CAMK2D: variants seen among roughly 807,000 people sequenced by gnomAD.
CAMK2D encodes the protein calcium/calmodulin dependent protein kinase II delta, also known as calcium/calmodulin-dependent protein kinase type II subunit delta.
Under a neutral mutation model 84.0 loss-of-function variants are expected in CAMK2D, and 37 were observed. The observed-to-expected ratio is 0.44, with a 90% CI of 0.34 to 0.58. The LOEUF is 0.58. Among genes scored for constraint, CAMK2D ranks in the 20% least tolerant of loss-of-function variants. The pLI is 0.02. For synonymous variants in CAMK2D, 202 were observed against 212.5 expected, an observed-to-expected ratio of 0.95 and a Z score of 0.43; for missense variants, 448 against 652.5, an observed-to-expected ratio of 0.69 and a Z score of 3.41.
intron 3 of CAMK2D, among the ~76,000 whole-genome samples, chr4:113,625,640 G>T (rs1592134619): frequency 6.6e-6 from 1 of 152,130 alleles, no homozygotes; most frequent in African/African-American, 2.4e-5. Flanking sequence ...GGAGAAGGCA[G>T]TAGAAGATGA....
At chr4:113,580,281 C>T (rs963018026) in intron 4 of CAMK2D, among the ~76,000 whole-genome samples, 14 of 152,230 alleles carry the variant, frequency 9.2e-5, no homozygotes, top group African/African-American at 3.1e-4. Context: ...TGTTATGCCA[C>T]AGTTGCTGAG....
At chr4:113,647,907 T>C (rs968155117) in intron 3 of CAMK2D, among the ~76,000 whole-genome samples, 2 of 152,224 alleles carry the variant, frequency 1.3e-5, no homozygotes, top group South Asian at 2.1e-4. Context: ...TTGAAAACCA[T>C]GTTTTATCAG....
intron 6 of CAMK2D, among the ~76,000 whole-genome samples, chr4:113,543,181 G>A (rs548958740): frequency 1.2e-4 from 18 of 152,238 alleles, no homozygotes; most frequent in African/African-American, 4.3e-4. Context: ...CTAAGTCATA[G>A]AAATTGTATT....
At chr4:113,641,434 G>A (rs958548376) in intron 3 of CAMK2D, among the ~76,000 whole-genome samples, 3 of 152,184 alleles carry the variant, frequency 2.0e-5, no homozygotes, top group African/African-American at 7.2e-5. Flanking sequence ...GAGTAGTTGA[G>A]AAAATTAAAT....
chr4:113,519,982 A>G (rs2098335344), intron 8 of CAMK2D, among the ~76,000 whole-genome samples: 1 of 152,144 alleles, frequency 6.6e-6, no homozygotes, highest in African/African-American at 2.4e-5. Flanking sequence ...AAAATTTAAA[A>G]CTTTGTGTTG....
chr4:113,518,736 G>A (rs1560664085), intron 8 of CAMK2D, among the ~76,000 whole-genome samples: 1 of 152,046 alleles, frequency 6.6e-6, no homozygotes. Flanking sequence ...CTTATCCAAG[G>A]TGGTCTCTTG....
chr4:113,526,414 A>ATATGTGTGTGTG (rs1553930374), intron 8 of CAMK2D, among the ~76,000 whole-genome samples: 1,757 of 149,662 alleles, frequency 0.012, 50 homozygotes, highest in African/African-American at 0.041. Flanking sequence ...GTCATTCTTG[A>ATATGTGTGTGTG]TGTGTGTGTG....
chr4:113,526,425 T>TGC, intron 8 of CAMK2D, among the ~76,000 whole-genome samples: 1 of 151,874 alleles, frequency 6.6e-6, no homozygotes. Context: ...TGTGTGTGTG[T>TGC]GTGTGTGTGT....
intron 18 of CAMK2D, 56 bp downstream of exon 18, chr4:113,460,091 G>T: frequency 9.9e-7 from 1 of 1,006,158 alleles, no homozygotes; most frequent in Non-Finnish European, 1.6e-6. Context: ...CTGCAAATTT[G>T]GGAAAATTCA....
At chr4:113,545,392 A>T (rs114696611) in intron 6 of CAMK2D, among the ~76,000 whole-genome samples, 1,558 of 152,340 alleles carry the variant, frequency 0.01, 25 homozygotes, top group African/African-American at 0.035. Context: ...ATCGCACATC[A>T]ATTAACATAT....
chr4:113,738,523 T>A (rs981453838), intron 2 of CAMK2D, among the ~76,000 whole-genome samples: 2 of 152,042 alleles, frequency 1.3e-5, no homozygotes, highest in African/African-American at 2.4e-5. Context: ...AATGAGTGAA[T>A]GCAAAAAAAT....
chr4:113,510,176 T>C (rs924873837), intron 12 of CAMK2D, among the ~76,000 whole-genome samples: 4 of 152,218 alleles, frequency 2.6e-5, no homozygotes, highest in Admixed American at 2.0e-4. Context: ...CATTACATTC[T>C]TGAAGTCAGA....
intron 4 of CAMK2D, among the ~76,000 whole-genome samples, chr4:113,555,176 A>C (rs537564071): frequency 5.9e-5 from 9 of 152,360 alleles, no homozygotes; most frequent in African/African-American, 2.2e-4. Flanking sequence ...CATCAGTAAT[A>C]GATCTTTGAC....
At chr4:113,462,804 ATAAC>A (rs1564407890) in intron 17 of CAMK2D, among the ~76,000 whole-genome samples, 2 of 151,460 alleles carry the variant, frequency 1.3e-5, no homozygotes, top group Non-Finnish European at 2.9e-5. Context: ...CTTTTTAACA[ATAAC>A]AAACACAACT....
chr4:113,455,677 T>C (rs1454829290), intron 20 of CAMK2D, 49 bp downstream of exon 20: 5 of 1,053,578 alleles, frequency 4.7e-6, no homozygotes, highest in Non-Finnish European at 7.2e-6. Flanking sequence ...CCATGCAGCT[T>C]TTCATTCAGC....
intron 4 of CAMK2D, among the ~76,000 whole-genome samples, chr4:113,557,943 G>A (rs1363549777): frequency 2.0e-5 from 3 of 152,232 alleles, no homozygotes; most frequent in Non-Finnish European, 4.4e-5. Context: ...ATTAGTGAGT[G>A]CCCTGATGGG....
chr4:113,466,815 G>T (rs900473010), intron 16 of CAMK2D, among the ~76,000 whole-genome samples: 1 of 152,084 alleles, frequency 6.6e-6, no homozygotes, highest in African/African-American at 2.4e-5. Context: ...GTATCACTCG[G>T]CAATTATGCA....
chr4:113,632,623 A>G (rs1393220167), intron 3 of CAMK2D, among the ~76,000 whole-genome samples: 1 of 152,180 alleles, frequency 6.6e-6, no homozygotes, highest in Non-Finnish European at 1.5e-5. Flanking sequence ...TCAGTTTAAA[A>G]AAAAAAAAGA....
chr4:113,646,847 A>G (rs1392633902), intron 3 of CAMK2D, among the ~76,000 whole-genome samples: 1 of 152,260 alleles, frequency 6.6e-6, no homozygotes, highest in Non-Finnish European at 1.5e-5. Flanking sequence ...CAGTAGCCAG[A>G]GTAATCCTGT....
Sources: gnomAD v4.1 joint callset for allele counts (sites outside exome capture counted in the v4.1 genomes callset) on GRCh38, gnomAD v4.1.1 for gene constraint, MANE v1.5 for transcripts, NCBI Gene and HGNC (gene_info 2026-07-23, HGNC 2026-07-21) for gene names.